LRP3: variants seen among roughly 807,000 people sequenced by gnomAD.
The protein encoded by LRP3 is low-density lipoprotein receptor-related protein 3.
Under a neutral mutation model 58.5 loss-of-function variants are expected in LRP3, and 49 were observed. The ratio of observed to expected loss-of-function variants is 0.84; its 90% CI spans 0.67 to 1.06. The LOEUF is 1.06. Among genes scored for constraint, LRP3 ranks in the 50% least tolerant of loss-of-function variants. LRP3 has a pLI of 0.00. For synonymous variants in LRP3, 485 were observed against 492.2 expected, an observed-to-expected ratio of 0.99 and a Z score of 0.20; for missense variants, 1,019 against 1,134.2, an observed-to-expected ratio of 0.90 and a Z score of 1.46.
rs752773732 is a variant in LRP3, at chr19:33,205,781, G to A, written c.1011G>A (p.Glu337=). Residue 337 remains glutamate (E), a synonymous_variant, in exon 5 of 7, where the codon GAG becomes GAA. Transcript: ENST00000253193. ...YRSNHRPVSL[E]AAQGRLTVAY... is the part of the protein sequence containing the mutation. ...GCAACCACCGGCCCGTGAGCCTGGA[G>A]GCCGCCCAGGGCCGCCTCACTGTGG... is the stretch of plus-strand genomic sequence containing the variant. The A allele has an allele frequency of 1.6e-5, 25 of 1,583,732 alleles. No homozygotes were observed. Among genetic ancestry groups the A allele is most frequent in the Non-Finnish European group, 2.0e-5 (23 of 1,167,942 alleles).
rs3745973 is a variant in LRP3, at chr19:33,207,542, G to A, written c.2280G>A (p.Glu760=). 0.077 allele frequency: 123,526 copies of A among 1,604,412 alleles called. 5,582 individuals carry two copies. Among genetic ancestry groups the A allele is most frequent in the East Asian group, 0.19 (8,605 of 44,834 alleles). ...NPPPPCSPML[E]ASDDEALLVC is the part of the protein sequence containing the mutation. ...CGCCCCCCTGCTCCCCAATGCTGGA[G>A]GCCAGCGATGATGAGGCCCTGTTGG... The change falls in exon 7 of 7, where the codon GAG becomes GAA. Residue 760 remains glutamate, a synonymous_variant. Transcript: ENST00000253193.
chr19:33,207,762 A>G lies in LRP3; in HGVS notation c.*187A>G, dbSNP rs377211724. 1,928 of 580,462 alleles carry G rather than the reference A, an allele frequency of 3.3e-3. 31 individuals are homozygous for G. The highest frequency in any genetic ancestry group is 0.032 in the African/African-American group (1,685 of 52,138). The allele number at this position is 580,462 out of a possible 1,614,324, so 36.0% of individuals were successfully genotyped here. ...TGTGGGACTGAACGGCGGGGGGGAG[A>G]AGAGTGGAGTGGTGAGCCCGTCTGC... On this transcript the variant is annotated 3_prime_UTR_variant, in exon 7 of 7. Coordinates refer to ENST00000253193, the MANE Select transcript of LRP3 (RefSeq NM_002333.4).
At chr19:33,206,790 G>A (rs1974418819) in intron 6 of LRP3, 57 bp downstream of exon 6, 2 of 1,483,304 alleles carry the variant, frequency 1.3e-6, no homozygotes, top group Admixed American at 4.8e-5. Context: ...GTGTGCGGAG[G>A]AGGCTGGTCC....
At chr19:33,203,008 G>A (rs753571935) in intron 3 of LRP3, 22 bp downstream of exon 3, 22 of 1,609,948 alleles carry the variant, frequency 1.4e-5, no homozygotes, top group African/African-American at 4.0e-5. Context: ...CGGGGGTGTC[G>A]GAAGGAATCA....
At chr19:33,203,311 GGT>G (rs776201265) in intron 3 of LRP3, among the ~76,000 whole-genome samples, 20 of 147,034 alleles carry the variant, frequency 1.4e-4, no homozygotes, top group South Asian at 4.2e-4. Context: ...CATGTAAGTA[GGT>G]GTGTGTGCAT....
rs1332532028 is a variant in LRP3 at position 33,204,721 on chromosome 19, A to C, written c.344A>C (p.Glu115Ala). 1.2e-6 allele frequency: 2 copies of C among 1,611,098 alleles called. No individual in the cohort carries two copies. The highest frequency in any genetic ancestry group is 1.7e-6 in the Non-Finnish European group (2 of 1,179,932). ...LLGPAAPPRQEAFRLCGSAIP... is the reference protein window; with the variant it reads ...LLGPAAPPRQAAFRLCGSAIP... ...GGCCCAGCAGCCCCACCCCGCCAGG[A>C]GGCCTTCCGCCTCTGTGGCTCCGCC... Residue 115 changes from glutamate to alanine, a missense_variant, in exon 4 of 7, where the codon GAG becomes GCG. Glu to Ala is a moderately radical substitution (Grantham distance 107). This residue lies in a region of LRP3 where 592 missense variants were observed against 725.5 expected (regional missense o/e 0.82). Coordinates refer to ENST00000253193, the MANE Select transcript of LRP3 (RefSeq NM_002333.4).
chr19:33,199,958 CTG>C (rs1974324789), intron 2 of LRP3, among the ~76,000 whole-genome samples: 1 of 152,210 alleles, frequency 6.6e-6, no homozygotes. Flanking sequence ...GGGGAGGCCT[CTG>C]GGGCTGAGTA....
rs1452508076 is a variant in LRP3 at position 33,207,516 on chromosome 19, CCG to C, written c.2256_2257del (p.Pro754LeufsTer10). 1.2e-6 allele frequency: 2 copies of C among 1,604,718 alleles called. No homozygotes were observed. The highest frequency in any genetic ancestry group is 1.7e-6 in the Non-Finnish European group (2 of 1,178,774). ...PEPLGVCRNPPPPCSPMLEAS... is the reference protein window; with the variant it reads ...PEPLGVCRNPXPPCSPMLEAS... The stretch of plus-strand genomic sequence containing the variant: ...GCCACTGGGGGTCTGCAGGAACCCC[CCG>C]CCCCCCTGCTCCCCAATGCTGGAGG... On this transcript the variant is annotated frameshift_variant, in exon 7 of 7. Coordinates refer to ENST00000253193, the MANE Select transcript of LRP3 (RefSeq NM_002333.4). LOFTEE classifies it high-confidence loss of function.
chr19:33,207,467 C>A lies in LRP3; in HGVS notation c.2205C>A (p.Ser735Arg). ...ACCCCCAGGTCTCCACTGCCAGCAG[C>A]ACCCTGGGCCCCCACTCGCCAGAGC... ...DPHPQVSTASSTLGPHSPEPL... is the reference protein window; with the variant it reads ...DPHPQVSTASRTLGPHSPEPL... The change falls in exon 7 of 7, where the codon AGC (serine) becomes AGA (arginine). Residue 735 changes from serine to arginine, a missense_variant. Coordinates refer to ENST00000253193, the MANE Select transcript of LRP3 (RefSeq NM_002333.4). 6.3e-7 allele frequency: 1 copy of A among 1,599,440 alleles called. No homozygotes were observed. Among genetic ancestry groups the A allele is most frequent in the Non-Finnish European group, 8.5e-7 (1 of 1,176,588 alleles).
In LRP3 at chr19:33,205,583, C is replaced by T. The variant is rs201599090; in HGVS notation, c.813C>T (p.Phe271=). 1,319 of 1,609,334 alleles carry T rather than the reference C, an allele frequency of 8.2e-4. 13 individuals are homozygous for T. The African/African-American group carries it at 0.016, about 19-fold the overall frequency. Residue 271 remains phenylalanine (F), a synonymous_variant, in exon 5 of 7, where the codon TTC becomes TTT. Coordinates refer to ENST00000253193, the MANE Select transcript of LRP3 (RefSeq NM_002333.4). ...GCTCCTTTGCCTCCCCAGACCTGTT[C>T]GGCGCCGCTCGCGGGCCCTCAGACC... ...FYGSFASPDL[F]GAARGPSDLH... is the part of the protein sequence containing the mutation.
chr19:33,195,140 C>T (rs1974272791), intron 1 of LRP3, among the ~76,000 whole-genome samples: 1 of 152,142 alleles, frequency 6.6e-6, no homozygotes, highest in African/African-American at 2.4e-5. Context: ...AGCCTTCAAC[C>T]CGGCCCGCCC....
chr19:33,203,028 C>G (rs758426268), intron 3 of LRP3, 42 bp downstream of exon 3: 1 of 1,601,892 alleles, frequency 6.2e-7, no homozygotes, highest in African/African-American at 1.3e-5. Flanking sequence ...AATGTGGGCC[C>G]ACGTGCATGG....
Position 33,206,494 on chromosome 19 carries a change from CTA to C in LRP3, c.1593-103_1593-102del, listed in dbSNP as rs568314498. On this transcript the variant is annotated intron_variant, in intron 5 of 6. Transcript: ENST00000253193. ...GCTGCCCTGGTGCACACTGGGGTCCCTATATCTTGGGGTGTCTGGGTGGAGGG... is the reference window on the plus strand; with the variant it reads ...GCTGCCCTGGTGCACACTGGGGTCCCTATCTTGGGGTGTCTGGGTGGAGGG... The C allele has an allele frequency of 8.8e-6, 14 of 1,592,572 alleles. No individual in the cohort carries two copies. The South Asian group carries it at 1.2e-4, about 14-fold the overall frequency.
rs746853636 is a variant in LRP3 at position 33,206,751 on chromosome 19, G to A, written c.1725+18G>A. Reference sequence around the variant, plus strand: ...CGTCCCAGGTGAGCCCCCGGAGGGCGTGAGGCCCCTCCGGGGCCACTTGGG... The same window carrying A: ...CGTCCCAGGTGAGCCCCCGGAGGGCATGAGGCCCCTCCGGGGCCACTTGGG... On this transcript the variant is annotated intron_variant, in intron 6 of 6. Transcript: ENST00000253193. 19 of 1,508,436 alleles carry A rather than the reference G, an allele frequency of 1.3e-5. No individual in the cohort carries two copies. In the Middle Eastern group the frequency reaches 7.2e-4, roughly 57 times the overall value. 93.4% of individuals were successfully genotyped at this position (1,508,436 alleles called of 1,614,324 possible). A position where few individuals can be genotyped will look rare whatever the true frequency, so the allele number is the denominator to read the frequency against.
At position 33,206,326 on chromosome 19, in the gene LRP3, C is replaced by T. The variant is rs759461381; in HGVS notation, c.1556C>T (p.Ala519Val). 6.2e-7 allele frequency: 1 copy of T among 1,600,334 alleles called. No individual in the cohort carries two copies. The highest frequency in any genetic ancestry group is 1.1e-5 in the South Asian group (1 of 90,588). Residue 519 changes from alanine to valine, a missense_variant, in exon 5 of 7, where the codon GCC (alanine) becomes GTC (valine). Coordinates refer to ENST00000253193, the MANE Select transcript of LRP3 (RefSeq NM_002333.4). ...CTGCTGGTCATCGCGCTGGGCTGCG[C>T]CTTCAAGCTCTACTCACTGCGCACG... is the stretch of plus-strand genomic sequence containing the variant. ...GLLLVIALGC[A>V]FKLYSLRTQE...
At chr19:33,206,472 G>T in intron 5 of LRP3, 110 bp downstream of exon 5, 1 of 1,593,796 alleles carries the variant, frequency 6.3e-7, no homozygotes, top group Non-Finnish European at 8.5e-7. Context: ...CATGGAGGCT[G>T]CCCTGGTGCA....
chr19:33,207,328 G>A lies in LRP3; in HGVS notation c.2066G>A (p.Arg689Gln), dbSNP rs1166066208. The A allele has an allele frequency of 1.3e-6, 2 of 1,578,158 alleles. No homozygotes were observed. The highest frequency in any genetic ancestry group is 1.1e-5 in the South Asian group (1 of 87,932). The change falls in exon 7 of 7, where the codon CGA becomes CAA. Residue 689 changes from arginine (R) to glutamine (Q), a missense_variant. By Grantham distance (43) the Arg-to-Gln change is conservative. Around this residue, in one of 2 missense-constraint regions of LRP3, gnomAD observed 427 missense variants for 408.6 expected, o/e 1.04. Coordinates refer to ENST00000253193, the MANE Select transcript of LRP3 (RefSeq NM_002333.4). Reference sequence around the variant, plus strand: ...GGGCCACCCTTGCCCTCGGGCCTGCGAGACCCAGAGTGCAGGCCCGTGGAC... The same window carrying A: ...GGGCCACCCTTGCCCTCGGGCCTGCAAGACCCAGAGTGCAGGCCCGTGGAC... ...PSGPPLPSGL[R>Q]DPECRPVDKD...
Position 33,208,786 on chromosome 19 carries a change from T to G in LRP3, c.*1211T>G, listed in dbSNP as rs998845322. Reference sequence around the variant, plus strand: ...ACAGGCTTCTGAGAGTCGTATCTTTTTTCTTTTTTTTCCAGAAAAAAACAA... The same window carrying G: ...ACAGGCTTCTGAGAGTCGTATCTTTGTTCTTTTTTTTCCAGAAAAAAACAA... On this transcript the variant is annotated 3_prime_UTR_variant, in exon 7 of 7. Coordinates refer to ENST00000253193, the MANE Select transcript of LRP3 (RefSeq NM_002333.4). The surrounding 1 kb of genome is among the most constrained non-coding windows in gnomAD (Gnocchi z 4.7). 2.6e-6 allele frequency: 4 copies of G among 1,509,454 alleles called. No individual in the cohort carries two copies. The African/African-American group carries it at 5.5e-5, about 21-fold the overall frequency. The allele number at this position is 1,509,454 out of a possible 1,614,324, so 93.5% of individuals were successfully genotyped here.
Position 33,206,597 on chromosome 19 carries a change from C to CT in LRP3, c.1593-3dup. ...TCATGTCGCCCTCCGCCCACTGCTT[C>CT]TAGGGCCTTCGAGACCCAGATGACG... is the stretch of plus-strand genomic sequence containing the variant. On this transcript the variant is annotated splice_polypyrimidine_tract_variant and splice_region_variant and intron_variant, in intron 5 of 6. Coordinates refer to ENST00000253193, the MANE Select transcript of LRP3 (RefSeq NM_002333.4). The CT allele has an allele frequency of 6.2e-7, 1 of 1,608,306 alleles. No homozygotes were observed. Among genetic ancestry groups the CT allele is most frequent in the South Asian group, 1.1e-5 (1 of 90,608 alleles).
Sources: gnomAD v4.1 joint callset for allele counts (sites outside exome capture counted in the v4.1 genomes callset) on GRCh38, gnomAD v4.1.1 for gene constraint, gnomAD v4.1.1 regional missense constraint, Gnocchi (gnomAD v3.1) non-coding constraint, MANE v1.5 for transcripts, NCBI Gene and HGNC (gene_info 2026-07-23, HGNC 2026-07-21) for gene names.